The following DBT variants were observed in gnomAD, a reference collection of about 807,000 sequenced individuals.
DBT encodes dihydrolipoamide branched chain transacylase E2.
DBT carries 40 observed loss-of-function variants against 51.3 expected under a neutral mutation model. That is an observed-to-expected ratio of 0.78 (90% CI 0.61 to 1.02). The LOEUF is 1.02. Ranked by LOEUF, DBT falls within the 50% of genes least tolerant of loss-of-function variation. DBT has a pLI of 0.00. For missense variants in DBT, 510 were observed against 580.2 expected (o/e 0.88, Z 1.24); for synonymous variants, 181 against 190.4 (o/e 0.95, Z 0.41).
chr1:100,213,529 C>G, intron 7 of DBT: 1 of 1,552,808 alleles, frequency 6.4e-7, no homozygotes, highest in South Asian at 1.1e-5. Flanking sequence ...GAGGCTGTCC[C>G]GTCTGCAGGG....
rs1243840387 is a variant in DBT, at chr1:100,196,384, C to T, written c.1320G>A (p.Lys440=). 1 of 1,527,834 alleles carries T rather than the reference C, an allele frequency of 6.5e-7. No homozygotes were observed. The highest frequency in any genetic ancestry group is 8.8e-7 in the Non-Finnish European group (1 of 1,135,132). 94.6% of individuals were successfully genotyped at this position (1,527,834 alleles called of 1,614,324 possible). The change falls in exon 11 of 11, where the codon AAG becomes AAA. Residue 440 remains lysine (K), a synonymous_variant. Coordinates refer to ENST00000370132, the MANE Select transcript of DBT (RefSeq NM_001918.5). The part of the protein sequence containing the change: ...PRFNQKGEVY[K]AQIMNVSWSA... ...ACCAGCTCACATTCATTATCTGTGCCTTATATACTTCTCCTTTCTGGTTAA... is the reference window on the plus strand; with the variant it reads ...ACCAGCTCACATTCATTATCTGTGCTTTATATACTTCTCCTTTCTGGTTAA...
In DBT at chr1:100,218,939, G is replaced by A. The variant is rs535085582; in HGVS notation, c.434-192C>T. Among the ~76,000 whole-genome samples the A allele has an allele frequency of 4.0e-5, 6 of 151,696 alleles. No individual in the cohort carries two copies. The South Asian group carries it at 8.4e-4, about 21-fold the overall frequency. On this transcript the variant is annotated intron_variant, in intron 4 of 10. Coordinates refer to ENST00000370132, the MANE Select transcript of DBT (RefSeq NM_001918.5). ...CTAATGGTATGGGTAGAGTGGGGGG[G>A]GGGGTGTGTGCCGGTACCTGGTACT...
At chr1:100,230,596 C>T in intron 4 of DBT, 137 bp downstream of exon 4, 1 of 574,284 alleles carries the variant, frequency 1.7e-6, no homozygotes, top group Non-Finnish European at 3.0e-6. Flanking sequence ...GAAAAGATTA[C>T]ATTTCCTCAA....
At chr1:100,238,843 T>A (rs745686711) in intron 2 of DBT, among the ~76,000 whole-genome samples, 5 of 152,126 alleles carry the variant, frequency 3.3e-5, no homozygotes, top group Non-Finnish European at 5.9e-5. Flanking sequence ...GATTCACAAG[T>A]CTTCAATGAG....
rs1660852390 is a variant in DBT at position 100,192,335 on chromosome 1, C to T, written c.*3920G>A. On this transcript the variant is annotated 3_prime_UTR_variant, in exon 11 of 11. Coordinates refer to ENST00000370132, the MANE Select transcript of DBT (RefSeq NM_001918.5). ...GCAAAAACTTCATCTATCTAATTCA[C>T]CTTTATCCATAATCTCTACCCTAGA... 1 of 152,208 alleles carries T rather than the reference C, an allele frequency of 6.6e-6. No individual in the cohort carries two copies. The highest frequency in any genetic ancestry group is 1.5e-5 in the Non-Finnish European group (1 of 68,042). 9.4% of individuals were successfully genotyped at this position (152,208 alleles called of 1,614,324 possible).
rs192389900 is a variant in DBT, at chr1:100,191,486, G to A, written c.*4769C>T. On this transcript the variant is annotated 3_prime_UTR_variant, in exon 11 of 11. Coordinates refer to ENST00000370132, the MANE Select transcript of DBT (RefSeq NM_001918.5). The stretch of plus-strand genomic sequence containing the variant: ...CTTAGAAAAATTCATAATTTAACAC[G>A]AACTGAGGTGGGATGGGGTGGGAAG... 1.3e-5 allele frequency: 2 copies of A among 151,968 alleles called. No homozygotes were observed. Among genetic ancestry groups the A allele is most frequent in the South Asian group, 2.1e-4 (1 of 4,792 alleles). 9.4% of individuals were successfully genotyped at this position (151,968 alleles called of 1,614,324 possible).
intron 2 of DBT, among the ~76,000 whole-genome samples, chr1:100,239,384 T>C (rs1664075219): frequency 6.6e-6 from 1 of 151,732 alleles, no homozygotes; most frequent in Admixed American, 6.6e-5. Flanking sequence ...CTCTGGGAAG[T>C]AACAAAAAAA....
chr1:100,225,268 G>GT, intron 4 of DBT, among the ~76,000 whole-genome samples: 1 of 151,702 alleles, frequency 6.6e-6, no homozygotes, highest in Non-Finnish European at 1.5e-5. Context: ...TTGGTTTTCT[G>GT]TTATTAGAGA....
intron 2 of DBT, among the ~76,000 whole-genome samples, chr1:100,238,435 C>T (rs1221036207): frequency 6.8e-6 from 1 of 146,464 alleles, no homozygotes; most frequent in African/African-American, 2.5e-5. Flanking sequence ...CTTTTATTTC[C>T]CCTCCCCTCC....
At chr1:100,207,799 T>G (rs1661878972) in intron 8 of DBT, among the ~76,000 whole-genome samples, 1 of 151,360 alleles carries the variant, frequency 6.6e-6, no homozygotes. Flanking sequence ...TGATTATGCA[T>G]GGGTGACAGA....
intron 1 of DBT, among the ~76,000 whole-genome samples, chr1:100,243,433 G>A (rs183615300): frequency 6.6e-6 from 1 of 151,296 alleles, no homozygotes; most frequent in Admixed American, 6.6e-5. Flanking sequence ...TCGTGCCTCA[G>A]CCTCCCAAGT....
rs554699734 is a variant in DBT at position 100,234,473 on chromosome 1, C to CAA, written c.251+961_251+962dup. On this transcript the variant is annotated intron_variant, in intron 3 of 10. Coordinates refer to ENST00000370132, the MANE Select transcript of DBT (RefSeq NM_001918.5). ...CAACATAGTAAGATCTCATCTCTAC[C>CAA]AAAAAAAAAAAAAAAGTCGAAAATC... Among the ~76,000 whole-genome samples, 59 of 120,104 alleles carry CAA rather than the reference C, an allele frequency of 4.9e-4. 1 individual carries two copies. The highest frequency in any genetic ancestry group is 4.5e-3 in the Middle Eastern group (1 of 220). 78.8% of individuals were successfully genotyped at this position (120,104 alleles called of 152,430 possible).
intron 3 of DBT, among the ~76,000 whole-genome samples, 189 bp from the exon 4 acceptor site, chr1:100,231,103 A>C (rs370801528): frequency 1.3e-5 from 2 of 152,180 alleles, no homozygotes; most frequent in East Asian, 3.8e-4. Context: ...TATCTGCAAG[A>C]AACACTCAAA....
At chr1:100,231,354 G>A (rs564728727) in intron 3 of DBT, among the ~76,000 whole-genome samples, 2 of 152,248 alleles carry the variant, frequency 1.3e-5, no homozygotes, top group East Asian at 3.9e-4. Context: ...TTAGATGGGA[G>A]TTCTCCCAGT....
At chr1:100,219,652 G>T (rs1054208963) in intron 4 of DBT, among the ~76,000 whole-genome samples, 2 of 151,214 alleles carry the variant, frequency 1.3e-5, no homozygotes, top group Admixed American at 1.3e-4. Context: ...GGAAGCTGAG[G>T]CGGGGAGAAT....
At position 100,218,691 on chromosome 1, in the gene DBT, GGT is replaced by G. The variant is rs760861011; in HGVS notation, c.488_489del (p.His163ProfsTer24). ...AGTGTTTTTCGGCCCTTTATCTCTT[GGT>G]GTGTATGTTCATCATGAGACACTGC... The part of the protein sequence containing the change: ...TPAVSHDEHT[H>X]QEIKGRKTLA... On this transcript the variant is annotated frameshift_variant, in exon 5 of 11. Coordinates refer to ENST00000370132, the MANE Select transcript of DBT (RefSeq NM_001918.5). LOFTEE classifies it high-confidence loss of function. The G allele has an allele frequency of 1.5e-5, 25 of 1,613,754 alleles. No individual in the cohort carries two copies. The highest frequency in any genetic ancestry group is 2.1e-5 in the Non-Finnish European group (25 of 1,179,902).
chr1:100,206,587 A>ACAAT lies in DBT; in HGVS notation c.1063_1066dup (p.Val356AspfsTer4), dbSNP rs1557944313. 6.2e-7 allele frequency: 1 copy of ACAAT among 1,612,904 alleles called. No individual in the cohort carries two copies. On this transcript the variant is annotated frameshift_variant, in exon 9 of 11. Coordinates refer to ENST00000370132, the MANE Select transcript of DBT (RefSeq NM_001918.5). LOFTEE classifies it high-confidence loss of function. ...GATCTGAACATTTTTCACATTAGGG[A>ACAAT]CAATCAAACCCTGCTCAGTATCCAT...
chr1:100,249,052 T>G, intron 1 of DBT: 1 of 979,046 alleles, frequency 1.0e-6, no homozygotes, highest in Non-Finnish European at 1.2e-6. Flanking sequence ...TCTTGAAAGT[T>G]TTTGTAAGAT....
chr1:100,229,385 C>G (rs540001468), intron 4 of DBT, among the ~76,000 whole-genome samples: 4 of 152,240 alleles, frequency 2.6e-5, no homozygotes, highest in Admixed American at 6.5e-5. Flanking sequence ...CCAGGATGGT[C>G]TCGATCTCTT....
Sources: gnomAD v4.1 joint callset for allele counts (sites outside exome capture counted in the v4.1 genomes callset) on GRCh38, gnomAD v4.1.1 for gene constraint, MANE v1.5 for transcripts, NCBI Gene and HGNC (gene_info 2026-07-23, HGNC 2026-07-21) for gene names.